Variants in MYT1L observed in about 807,000 individuals in gnomAD.
MYT1L encodes the protein myelin transcription factor 1-like protein.
In MYT1L, 12 loss-of-function variants were observed where a neutral mutation model predicts 126.7. The observed-to-expected ratio is 0.09, with a 90% CI of 0.06 to 0.15. MYT1L has a LOEUF of 0.15. MYT1L is among the 10% of genes least tolerant of loss of function. The pLI is 1.00. For synonymous variants in MYT1L, 541 were observed against 604.2 expected (o/e 0.90, Z 1.53); for missense variants, 979 against 1,585.2 (o/e 0.62, Z 6.49).
chr2:1,933,761 T>C (rs1185117687), intron 9 of MYT1L, among the ~76,000 whole-genome samples: 1 of 152,140 alleles, frequency 6.6e-6, no homozygotes, highest in African/African-American at 2.4e-5. Context: ...CAGGACATTC[T>C]GTGTGGACAC....
chr2:2,155,981 CATAGTGACCCT>C (rs1309534927), intron 3 of MYT1L, among the ~76,000 whole-genome samples: 1 of 152,160 alleles, frequency 6.6e-6, no homozygotes, highest in Non-Finnish European at 1.5e-5. Context: ...CTAGGGTCTT[CATAGTGACCCT>C]ATAGTGACCC....
Position 2,320,676 on chromosome 2 carries a change from C to T in MYT1L, c.-521+10291G>A, listed in dbSNP as rs188743266. ...AAAATACAAGTCATTATGACTTATC[C>T]TGTTGATCACTGAAAAATCAGAACC... On this transcript the variant is annotated intron_variant, in intron 1 of 24. Transcript: ENST00000647738. Among the ~76,000 whole-genome samples the T allele has an allele frequency of 2.0e-5, 3 of 152,270 alleles. No homozygotes were observed. In the East Asian group the frequency reaches 5.8e-4, roughly 29 times the overall value.
intron 23 of MYT1L, among the ~76,000 whole-genome samples, chr2:1,794,730 C>T (rs1293380562): frequency 6.6e-6 from 1 of 152,222 alleles, no homozygotes; most frequent in Non-Finnish European, 1.5e-5. Flanking sequence ...TAGGCTGTTC[C>T]TTCCCGTGCT....
chr2:1,986,335 C>T (rs1297559907), intron 5 of MYT1L, among the ~76,000 whole-genome samples: 1 of 152,124 alleles, frequency 6.6e-6, no homozygotes, highest in East Asian at 1.9e-4. Context: ...GTCAGGCGGC[C>T]TGGGATCACT....
intron 1 of MYT1L, among the ~76,000 whole-genome samples, chr2:2,319,839 C>G (rs1022340914): frequency 4.6e-5 from 7 of 151,890 alleles, no homozygotes; most frequent in African/African-American, 1.5e-4. Flanking sequence ...AAATTTGTTA[C>G]TCAGTTCTAT....
At chr2:1,958,351 A>G (rs1224765173) in intron 8 of MYT1L, among the ~76,000 whole-genome samples, 1 of 152,104 alleles carries the variant, frequency 6.6e-6, no homozygotes, top group Non-Finnish European at 1.5e-5. Context: ...TGGCCACTGC[A>G]GATGGAAACC....
chr2:1,814,366 T>C (rs906478803), intron 21 of MYT1L, among the ~76,000 whole-genome samples: 1 of 152,196 alleles, frequency 6.6e-6, no homozygotes, highest in Admixed American at 6.5e-5. Context: ...TCGAATCCCC[T>C]GCGCCCTGGA....
intron 18 of MYT1L, among the ~76,000 whole-genome samples, chr2:1,858,111 G>A (rs906800089): frequency 2.0e-5 from 3 of 152,202 alleles, no homozygotes; most frequent in Non-Finnish European, 4.4e-5. Flanking sequence ...TAATCTGCCC[G>A]CCTTGGCCTC....
intron 3 of MYT1L, among the ~76,000 whole-genome samples, chr2:2,110,844 A>T (rs1183159801): frequency 6.6e-6 from 1 of 151,958 alleles, no homozygotes; most frequent in African/African-American, 2.4e-5. Flanking sequence ...GGCAGTATGG[A>T]GGCGGGAGTG....
rs961902573 is a variant in MYT1L at position 2,284,385 on chromosome 2, C to T, written c.-421+19G>A. 6.6e-6 allele frequency: 1 copy of T among 152,184 alleles called. No individual in the cohort carries two copies. Among genetic ancestry groups the T allele is most frequent in the African/African-American group, 2.4e-5 (1 of 41,388 alleles). 9.4% of individuals were successfully genotyped at this position (152,184 alleles called of 1,614,324 possible). On this transcript the variant is annotated intron_variant, in intron 2 of 24. Transcript: ENST00000647738. ...TACATTCCTAATACAACGGTAAGGTCCCATTGCAATTCACATACCACACGC... is the reference window on the plus strand; with the variant it reads ...TACATTCCTAATACAACGGTAAGGTTCCATTGCAATTCACATACCACACGC...
chr2:2,315,488 G>C (rs993125897), intron 1 of MYT1L, among the ~76,000 whole-genome samples: 18 of 152,208 alleles, frequency 1.2e-4, no homozygotes, highest in African/African-American at 4.3e-4. Context: ...AGATAATACT[G>C]GTGCCTATAA....
At chr2:2,199,729 C>A (rs1300863707) in intron 2 of MYT1L, among the ~76,000 whole-genome samples, 1 of 152,174 alleles carries the variant, frequency 6.6e-6, no homozygotes, top group Non-Finnish European at 1.5e-5. Flanking sequence ...TCTGGCCCAG[C>A]TACCTTCTTC....
intron 4 of MYT1L, among the ~76,000 whole-genome samples, chr2:2,040,204 T>C (rs936851433): frequency 1.3e-5 from 2 of 152,218 alleles, no homozygotes; most frequent in Admixed American, 1.3e-4. Flanking sequence ...ACTAGTGATG[T>C]GTCCTCAGCA....
At position 1,835,130 on chromosome 2, in the gene MYT1L, G is replaced by A. The variant is rs141778098; in HGVS notation, c.3080+4019C>T. 1.7e-3 allele frequency among the ~76,000 whole-genome samples: 255 copies of A among 152,242 alleles called. 5 individuals carry two copies. The highest frequency in any genetic ancestry group is 5.9e-3 in the African/African-American group (243 of 41,498). ...TCCACATACCATGGGGATGGATACA[G>A]GTACTCCTCCACATACCATGGGGTC... On this transcript the variant is annotated intron_variant, in intron 21 of 24. Coordinates refer to ENST00000647738, the MANE Select transcript of MYT1L (RefSeq NM_001303052.2).
intron 2 of MYT1L, among the ~76,000 whole-genome samples, chr2:2,193,023 C>T (rs1046787042): frequency 1.3e-5 from 2 of 152,046 alleles, no homozygotes; most frequent in Non-Finnish European, 2.9e-5. Context: ...AGTGCAGTGG[C>T]GCAATTTCAA....
At chr2:1,866,488 G>A (rs1325139586) in intron 18 of MYT1L, among the ~76,000 whole-genome samples, 2 of 145,836 alleles carry the variant, frequency 1.4e-5, no homozygotes, top group Admixed American at 1.4e-4. Flanking sequence ...AGAGGTGGGA[G>A]GAGAGAGGCA....
chr2:2,159,837 G>A (rs1243094878), intron 3 of MYT1L, among the ~76,000 whole-genome samples: 1 of 151,910 alleles, frequency 6.6e-6, no homozygotes, highest in Non-Finnish European at 1.5e-5. Context: ...TCCTCTGGGG[G>A]GCTCTTCTGT....
At chr2:1,902,234 A>G (rs901979030) in intron 14 of MYT1L, among the ~76,000 whole-genome samples, 1 of 152,180 alleles carries the variant, frequency 6.6e-6, no homozygotes, top group Non-Finnish European at 1.5e-5. Flanking sequence ...ACTAGTTCAT[A>G]CTCTAGGTAG....
intron 14 of MYT1L, among the ~76,000 whole-genome samples, chr2:1,894,337 C>A (rs1252105632): frequency 6.6e-6 from 1 of 152,162 alleles, no homozygotes; most frequent in East Asian, 1.9e-4. Flanking sequence ...CGTGGGGCTG[C>A]AAAGGAGTCA....
Sources: allele counts gnomAD v4.1 joint callset (sites outside exome capture counted in the v4.1 genomes callset), GRCh38; gene constraint gnomAD v4.1.1; transcripts MANE v1.5; gene names NCBI Gene and HGNC (gene_info 2026-07-23, HGNC 2026-07-21).